BMPR1A: variants seen among roughly 807,000 people sequenced by gnomAD.
BMPR1A encodes the protein bone morphogenetic protein receptor type 1A.
In BMPR1A, 7 loss-of-function variants were observed where a neutral mutation model predicts 66.0. The observed-to-expected ratio is 0.11, with a 90% CI of 0.06 to 0.20. The LOEUF (loss-of-function observed/expected upper bound fraction) is 0.20. BMPR1A is among the 10% of genes least tolerant of loss of function. The pLI is 1.00. For missense variants in BMPR1A, 408 were observed against 669.1 expected, an observed-to-expected ratio of 0.61 and a Z score of 4.31; for synonymous variants, 200 against 229.7, an observed-to-expected ratio of 0.87 and a Z score of 1.17.
At chr10:86,844,137 C>T (rs1022991104) in intron 2 of BMPR1A, among the ~76,000 whole-genome samples, 2 of 152,060 alleles carry the variant, frequency 1.3e-5, no homozygotes, top group Admixed American at 1.3e-4. Context: ...TACTGTTGGT[C>T]TCTTAATTTG....
intron 7 of BMPR1A, among the ~76,000 whole-genome samples, chr10:86,909,922 T>A (rs901728407): frequency 6.6e-6 from 1 of 151,990 alleles, no homozygotes; most frequent in Non-Finnish European, 1.5e-5. Context: ...GGTTCACCCT[T>A]TAAGGAGGTC....
chr10:86,791,922 T>C (rs1841631766), intron 1 of BMPR1A, among the ~76,000 whole-genome samples: 1 of 149,846 alleles, frequency 6.7e-6, no homozygotes, highest in Admixed American at 6.7e-5. Context: ...TTTCACCACG[T>C]TGGCCAGGCT....
In BMPR1A at chr10:86,766,639, G is replaced by A. The variant is rs1239633425; in HGVS notation, c.-268+9720G>A. ...AGTCTTTTTTTTTTTTTTTTGAGAC[G>A]GAGTCTCGCTCTTTCACCCAGGCGG... On this transcript the variant is annotated intron_variant, in intron 1 of 12. Coordinates refer to ENST00000372037, the MANE Select transcript of BMPR1A (RefSeq NM_004329.3). Among the ~76,000 whole-genome samples, 172 of 88,220 alleles carry A rather than the reference G, an allele frequency of 1.9e-3. 1 individual carries two copies. The African/African-American group carries it at 0.022, about 12-fold the overall frequency. 57.9% of individuals were successfully genotyped at this position (88,220 alleles called of 152,430 possible). A position where few individuals can be genotyped will look rare whatever the true frequency, so the allele number is the denominator to read the frequency against.
At chr10:86,892,037 A>C (rs1431418743) in intron 4 of BMPR1A, 90 bp from the exon 5 acceptor site, 1 of 972,470 alleles carries the variant, frequency 1.0e-6, no homozygotes, top group African/African-American at 1.6e-5. Context: ...ATTAAAGGCC[A>C]TCTGTACCTG....
At chr10:86,912,153 G>A (rs2133542774) in intron 7 of BMPR1A, 87 bp from the exon 8 acceptor site, 1 of 1,405,064 alleles carries the variant, frequency 7.1e-7, no homozygotes, top group Non-Finnish European at 9.9e-7. Flanking sequence ...CTGAGGGAAG[G>A]ATAATGGTAT....
chr10:86,865,323 A>G (rs962493295), intron 2 of BMPR1A, among the ~76,000 whole-genome samples: 1 of 152,200 alleles, frequency 6.6e-6, no homozygotes, highest in African/African-American at 2.4e-5. Flanking sequence ...CCTTGCCTTA[A>G]GTGATGACAT....
chr10:86,796,445 G>C (rs1841710511), intron 1 of BMPR1A, among the ~76,000 whole-genome samples: 1 of 151,888 alleles, frequency 6.6e-6, no homozygotes. Flanking sequence ...TCTGAAGAAA[G>C]TCACTATAAT....
chr10:86,931,675 C>T (rs1843812508), downstream of BMPR1A: 1 of 152,090 alleles, frequency 6.6e-6, no homozygotes, highest in Non-Finnish European at 1.5e-5. Flanking sequence ...ACATGTTATA[C>T]AGGTTAACTT....
intron 2 of BMPR1A, among the ~76,000 whole-genome samples, chr10:86,865,074 G>A (rs369138022): frequency 3.5e-4 from 49 of 140,532 alleles, no homozygotes; most frequent in African/African-American, 1.4e-3. Flanking sequence ...AGCCCAAGCC[G>A]AGCCATCGTA....
chr10:86,770,405 C>G (rs1327355393), intron 1 of BMPR1A, among the ~76,000 whole-genome samples: 1 of 152,146 alleles, frequency 6.6e-6, no homozygotes, highest in Non-Finnish European at 1.5e-5. Flanking sequence ...GAGACCCTGT[C>G]TCAAAACCAA....
rs564207819 is a variant in BMPR1A at position 86,903,707 on chromosome 10, G to T, written c.530+3581G>T. Among the ~76,000 whole-genome samples, 13 of 152,052 alleles carry T rather than the reference G, an allele frequency of 8.5e-5. No homozygotes were observed. The South Asian group carries it at 2.7e-3, about 32-fold the overall frequency. ...GCTCAATGCAAGCTCCACCTCCCGG[G>T]TTTACGCCATTCTCTTGCTTCAGCC... On this transcript the variant is annotated intron_variant, in intron 7 of 12. Coordinates refer to ENST00000372037, the MANE Select transcript of BMPR1A (RefSeq NM_004329.3).
intron 1 of BMPR1A, among the ~76,000 whole-genome samples, chr10:86,809,835 T>C (rs1483366733): frequency 1.3e-5 from 2 of 152,134 alleles, no homozygotes; most frequent in Admixed American, 6.5e-5. Flanking sequence ...CTGTCTAATA[T>C]GAATTTGCCT....
intron 8 of BMPR1A, among the ~76,000 whole-genome samples, chr10:86,915,522 T>C (rs7918679): frequency 0.4 from 61,063 of 151,650 alleles, 14,904 homozygotes; most frequent in East Asian, 0.7. Context: ...TGAGGTCAGG[T>C]GTTCGAGACC....
chr10:86,886,333 A>G (rs1564713620), intron 3 of BMPR1A, among the ~76,000 whole-genome samples: 1 of 152,194 alleles, frequency 6.6e-6, no homozygotes, highest in African/African-American at 2.4e-5. Flanking sequence ...ATTTGTGTTT[A>G]TAAAATGTCT....
intron 2 of BMPR1A, among the ~76,000 whole-genome samples, chr10:86,869,454 C>G (rs1842825514): frequency 9.5e-6 from 1 of 105,682 alleles, no homozygotes; most frequent in Non-Finnish European, 1.7e-5. Context: ...AAGACTCTGT[C>G]TCAAAAAAAA....
At chr10:86,896,693 A>G (rs915253227) in intron 5 of BMPR1A, among the ~76,000 whole-genome samples, 5 of 152,240 alleles carry the variant, frequency 3.3e-5, no homozygotes, top group Admixed American at 6.5e-5. Context: ...TAACACTTCT[A>G]TTTCAAAATG....
intron 1 of BMPR1A, among the ~76,000 whole-genome samples, chr10:86,775,436 A>T (rs1841331311): frequency 6.6e-6 from 1 of 152,176 alleles, no homozygotes; most frequent in African/African-American, 2.4e-5. Context: ...AAATGTTGTG[A>T]AGGGTGGACA....
chr10:86,868,832 G>A (rs1842818072), intron 2 of BMPR1A, among the ~76,000 whole-genome samples: 1 of 146,634 alleles, frequency 6.8e-6, no homozygotes. Flanking sequence ...CTTGCTGTTT[G>A]AGGAGTTTTA....
chr10:86,901,862 T>TTTTA (rs989225294), intron 7 of BMPR1A, among the ~76,000 whole-genome samples: 17 of 151,502 alleles, frequency 1.1e-4, no homozygotes, highest in African/African-American at 2.7e-4. Context: ...GTATATATTA[T>TTTTA]TTTATTTATT....
Sources: allele counts gnomAD v4.1 joint callset (sites outside exome capture counted in the v4.1 genomes callset), GRCh38; gene constraint gnomAD v4.1.1; transcripts MANE v1.5; gene names NCBI Gene and HGNC (gene_info 2026-07-23, HGNC 2026-07-21).